Variants in ASS1 observed in about 807,000 individuals in gnomAD.
ASS1 encodes argininosuccinate synthase.
ASS1 carries 58 observed loss-of-function variants against 60.5 expected under a neutral mutation model. That is an observed-to-expected ratio of 0.96 (90% CI 0.78 to 1.19). The LOEUF is 1.19. Ranked by LOEUF, ASS1 falls within the 50% of genes most tolerant of loss-of-function variation. The probability of loss-of-function intolerance (pLI) is 0.00; values close to 1 mark genes in which losing one functional copy is unlikely to be tolerated. For missense variants in ASS1, 454 were observed against 547.3 expected, an observed-to-expected ratio of 0.83 and a Z score of 1.70; for synonymous variants, 200 against 206.9, an observed-to-expected ratio of 0.97 and a Z score of 0.29.
intron 6 of ASS1, among the ~76,000 whole-genome samples, chr9:130,467,216 C>G (rs1845764272): frequency 6.6e-6 from 1 of 152,178 alleles, no homozygotes; most frequent in African/African-American, 2.4e-5. Context: ...TCTCCCAATT[C>G]CCTGGATACT....
Position 130,459,534 on chromosome 9 carries a change from C to T in ASS1, c.363+945C>T, listed in dbSNP as rs1845535899. Among the ~76,000 whole-genome samples the T allele has an allele frequency of 6.6e-6, 1 of 152,074 alleles. No individual in the cohort carries two copies. Among genetic ancestry groups the T allele is most frequent in the Non-Finnish European group, 1.5e-5 (1 of 68,014 alleles). On this transcript the variant is annotated intron_variant, in intron 4 of 14. Coordinates refer to ENST00000352480, the MANE Select transcript of ASS1 (RefSeq NM_054012.4). This position sits in a 1 kb window ranked among gnomAD's most constrained non-coding sequence, Gnocchi z 4.6. ...GCAACCTCTGCCTCCCAGATTGAAG[C>T]AATTCTCCTGCCTCAGCCTCCTGAG...
intron 2 of ASS1, 95 bp downstream of exon 2, chr9:130,452,428 G>A: frequency 9.2e-7 from 1 of 1,087,474 alleles, no homozygotes; most frequent in East Asian, 2.4e-5. Context: ...CAGCCTGTCT[G>A]CTCACCGTCA....
At position 130,477,713 on chromosome 9, in the gene ASS1, G is replaced by T. The variant is rs966108942; in HGVS notation, c.688+752G>T. ...GGGCGGGCTCAGAGGGCCTGAAGGG[G>T]TACCTTTTCAGGAGGCTGGAGTGAT... On this transcript the variant is annotated intron_variant, in intron 9 of 14. Coordinates refer to ENST00000352480, the MANE Select transcript of ASS1 (RefSeq NM_054012.4). The surrounding 1 kb of genome is among the most constrained non-coding windows in gnomAD (Gnocchi z 4.2). Among the ~76,000 whole-genome samples the T allele has an allele frequency of 1.3e-5, 2 of 152,214 alleles. No homozygotes were observed. Among genetic ancestry groups the T allele is most frequent in the Admixed American group, 1.3e-4 (2 of 15,288 alleles).
rs1845830779 is a variant in ASS1 at position 130,470,044 on chromosome 9, G to A, written c.496-790G>A. The stretch of plus-strand genomic sequence containing the variant: ...GGTGTCCGAGTGCAGGAGGAGGCTG[G>A]AGTGCACGAGCTGGATTCCAGTCGG... On this transcript the variant is annotated intron_variant, in intron 6 of 14. Coordinates refer to ENST00000352480, the MANE Select transcript of ASS1 (RefSeq NM_054012.4). This position sits in a 1 kb window ranked among gnomAD's most constrained non-coding sequence, Gnocchi z 4.3. Among the ~76,000 whole-genome samples the A allele has an allele frequency of 6.6e-6, 1 of 152,308 alleles. No individual in the cohort carries two copies. The highest frequency in any genetic ancestry group is 1.5e-5 in the Non-Finnish European group (1 of 68,020).
At chr9:130,500,900 TG>T in intron 14 of ASS1, 75 bp from the exon 15 acceptor site, 1 of 1,527,296 alleles carries the variant, frequency 6.5e-7, no homozygotes, top group Non-Finnish European at 9.1e-7. Flanking sequence ...ACCCCAGCTC[TG>T]CCTGAATTAA....
intron 4 of ASS1, among the ~76,000 whole-genome samples, chr9:130,463,769 T>G (rs1356569954): frequency 6.6e-6 from 1 of 152,104 alleles, no homozygotes; most frequent in East Asian, 1.9e-4. Context: ...TGTGGGGGCC[T>G]TGAGGAAGAG....
rs1002377024 is a variant in ASS1, at chr9:130,477,341, G to A, written c.688+380G>A. 1.1e-4 allele frequency among the ~76,000 whole-genome samples: 17 copies of A among 152,254 alleles called. No individual in the cohort carries two copies. The East Asian group carries it at 1.9e-3, about 17-fold the overall frequency. On this transcript the variant is annotated intron_variant, in intron 9 of 14. Transcript: ENST00000352480. This position sits in a 1 kb window ranked among gnomAD's most constrained non-coding sequence, Gnocchi z 4.2. ...GGTAGAATGAGGCCTGCAAGGGAGC[G>A]TCCAGCCCTGGGCCCTGACCCCGGA...
intron 6 of ASS1, among the ~76,000 whole-genome samples, chr9:130,468,510 C>T (rs944274314): frequency 3.3e-5 from 5 of 152,222 alleles, no homozygotes; most frequent in Admixed American, 2.6e-4. Context: ...CTCCTGGGCT[C>T]ATCTGACCCT....
At chr9:130,458,731 C>CTCTCATTGGGGTCTA in intron 4 of ASS1, 142 bp downstream of exon 4, 1 of 1,194,752 alleles carries the variant, frequency 8.4e-7, no homozygotes, top group Non-Finnish European at 1.2e-6. Context: ...GTTTAGACCC[C>CTCTCATTGGGGTCTA]AATGAGAGGG....
chr9:130,456,143 G>A (rs1027945226), intron 3 of ASS1, among the ~76,000 whole-genome samples: 1 of 152,216 alleles, frequency 6.6e-6, no homozygotes, highest in African/African-American at 2.4e-5. Flanking sequence ...AATTTACGTG[G>A]CGTTTTTAAT....
chr9:130,456,921 C>CA (rs112708513), intron 3 of ASS1, among the ~76,000 whole-genome samples: 6,891 of 141,870 alleles, frequency 0.049, 461 homozygotes, highest in African/African-American at 0.16. Flanking sequence ...GAGTCCATCT[C>CA]AAAAAAATAA....
chr9:130,479,777 C>T lies in ASS1; in HGVS notation c.750C>T (p.Leu250=). 1 of 1,614,186 alleles carries T rather than the reference C, an allele frequency of 6.2e-7. No homozygotes were observed. Among genetic ancestry groups the T allele is most frequent in the East Asian group, 2.2e-5 (1 of 44,880 alleles). ...DGTTHQTSLE[L]FMYLNEVAGK... ...CCACCCACCAGACCTCCTTGGAGCT[C>T]TTCATGTACCTGAACGAAGTCGCGT... Residue 250 remains leucine (L), a synonymous_variant, in exon 10 of 15, where the codon CTC becomes CTT. Coordinates refer to ENST00000352480, the MANE Select transcript of ASS1 (RefSeq NM_054012.4).
chr9:130,450,667 C>A (rs1845305841), intron 1 of ASS1, among the ~76,000 whole-genome samples: 1 of 152,232 alleles, frequency 6.6e-6, no homozygotes, highest in South Asian at 2.1e-4. Context: ...GACGGAGCTC[C>A]AAAGTCCACC....
chr9:130,454,254 C>A, intron 2 of ASS1, 51 bp from the exon 3 acceptor site: 1 of 1,582,902 alleles, frequency 6.3e-7, no homozygotes, highest in African/African-American at 1.3e-5. Context: ...ATGGTGTGAA[C>A]TCAGGGCTCC....
At chr9:130,471,652 C>G in intron 8 of ASS1, 137 bp downstream of exon 8, 1 of 1,045,484 alleles carries the variant, frequency 9.6e-7, no homozygotes, top group Non-Finnish European at 1.4e-6. Flanking sequence ...CGAGCCCTGC[C>G]TGTGTTCCCC....
intron 10 of ASS1, 149 bp from the exon 11 acceptor site, chr9:130,480,236 C>A: frequency 1.2e-6 from 1 of 862,710 alleles, no homozygotes; most frequent in Non-Finnish European, 1.9e-6. Context: ...GACTAGGTGA[C>A]CCGGCTCAGA....
intron 11 of ASS1, among the ~76,000 whole-genome samples, chr9:130,482,697 G>A (rs2118847819): frequency 6.6e-6 from 1 of 152,252 alleles, no homozygotes; most frequent in Middle Eastern, 3.4e-3. Flanking sequence ...CACGGAGGCT[G>A]GACCTTTTTC....
chr9:130,447,203 C>T (rs1483777709), intron 1 of ASS1, among the ~76,000 whole-genome samples: 2 of 151,966 alleles, frequency 1.3e-5, no homozygotes, highest in African/African-American at 2.4e-5. Context: ...CTGAGGTCTC[C>T]TAGGAGCCAG....
At chr9:130,498,105 C>T (rs1846649111) in intron 13 of ASS1, among the ~76,000 whole-genome samples, 1 of 152,162 alleles carries the variant, frequency 6.6e-6, no homozygotes, top group Non-Finnish European at 1.5e-5. Context: ...TGGTGAAGGT[C>T]AGGGCCCGGG....
Sources: gnomAD v4.1 joint callset for allele counts (sites outside exome capture counted in the v4.1 genomes callset) on GRCh38, gnomAD v4.1.1 for gene constraint, Gnocchi (gnomAD v3.1) non-coding constraint, MANE v1.5 for transcripts, NCBI Gene and HGNC (gene_info 2026-07-23, HGNC 2026-07-21) for gene names.